PTPRD: variants seen among roughly 807,000 people sequenced by gnomAD.
PTPRD encodes the protein protein tyrosine phosphatase receptor type D, also known as receptor-type tyrosine-protein phosphatase delta.
A neutral mutation model predicts 214.5 loss-of-function variants in PTPRD; 34 were observed. The observed-to-expected ratio is 0.16, with a 90% CI of 0.12 to 0.21. The LOEUF is 0.21. PTPRD is among the 10% of genes least tolerant of loss of function. The pLI is 1.00. For missense variants in PTPRD, 2,545 were observed against 2,398.7 expected (o/e 1.06, Z -1.27); for synonymous variants, 1,128 against 845.7 (o/e 1.33, Z -5.79).
At chr9:8,768,060 A>G (rs1029108877) in intron 11 of PTPRD, among the ~76,000 whole-genome samples, 2 of 152,206 alleles carry the variant, frequency 1.3e-5, no homozygotes, top group Admixed American at 6.6e-5. Flanking sequence ...GTCTGGAAGA[A>G]CAAAGACAGT....
At chr9:10,445,927 G>C (rs566736191) in intron 2 of PTPRD, among the ~76,000 whole-genome samples, 2 of 152,062 alleles carry the variant, frequency 1.3e-5, no homozygotes, top group African/African-American at 4.8e-5. Flanking sequence ...TGGTTTGCTT[G>C]TTGGTTTCTT....
intron 10 of PTPRD, among the ~76,000 whole-genome samples, chr9:9,055,099 C>G (rs1437621289): frequency 6.6e-6 from 1 of 152,034 alleles, no homozygotes; most frequent in African/African-American, 2.4e-5. Context: ...TTGGCAATAT[C>G]CAGTAAAACT....
At chr9:10,489,783 G>A (rs1249147692) in intron 2 of PTPRD, among the ~76,000 whole-genome samples, 2 of 152,054 alleles carry the variant, frequency 1.3e-5, no homozygotes, top group South Asian at 2.1e-4. Context: ...TTATGATAGG[G>A]CAGCACTGAG....
At chr9:9,611,546 G>A (rs980928038) in intron 7 of PTPRD, among the ~76,000 whole-genome samples, 7 of 151,912 alleles carry the variant, frequency 4.6e-5, no homozygotes, top group Non-Finnish European at 8.8e-5. Flanking sequence ...ACATTTGGAT[G>A]TATCTAATCT....
chr9:10,274,135 A>C (rs1279023228), intron 3 of PTPRD, among the ~76,000 whole-genome samples: 1 of 152,154 alleles, frequency 6.6e-6, no homozygotes, highest in Non-Finnish European at 1.5e-5. Context: ...TCCAACTCTG[A>C]TATTTAATGC....
intron 9 of PTPRD, among the ~76,000 whole-genome samples, chr9:9,337,693 G>A (rs541947358): frequency 1.3e-5 from 2 of 152,254 alleles, no homozygotes; most frequent in African/African-American, 4.8e-5. Flanking sequence ...CACTCTCTGG[G>A]GGAGATTTCT....
intron 5 of PTPRD, among the ~76,000 whole-genome samples, chr9:9,775,312 G>T (rs545845785): frequency 2.6e-5 from 4 of 152,256 alleles, no homozygotes; most frequent in Admixed American, 2.0e-4. Context: ...AAGCTGAAGG[G>T]CTGGTTCCTT....
intron 5 of PTPRD, among the ~76,000 whole-genome samples, chr9:9,781,416 C>T (rs1190463793): frequency 1.3e-5 from 2 of 151,910 alleles, no homozygotes; most frequent in African/African-American, 2.4e-5. Context: ...AAGTTAAATG[C>T]TATGTAATGG....
chr9:8,539,767 A>C (rs936314541), intron 14 of PTPRD, among the ~76,000 whole-genome samples: 2 of 152,060 alleles, frequency 1.3e-5, no homozygotes, highest in Admixed American at 6.6e-5. Flanking sequence ...CAAAACTATC[A>C]TGGTCAGAAA....
chr9:8,904,188 C>T (rs34958914), intron 11 of PTPRD, among the ~76,000 whole-genome samples: 15,797 of 152,152 alleles, frequency 0.1, 1,143 homozygotes, highest in East Asian at 0.24. Flanking sequence ...CATCGTGGCA[C>T]TTTACCTTTA....
chr9:9,558,416 T>C (rs1203983045), intron 8 of PTPRD, among the ~76,000 whole-genome samples: 1 of 152,146 alleles, frequency 6.6e-6, no homozygotes, highest in Admixed American at 6.5e-5. Context: ...CTCCACCCCT[T>C]TGGCCGAGGG....
chr9:10,076,159 C>G (rs2098128600), intron 3 of PTPRD, among the ~76,000 whole-genome samples: 1 of 152,098 alleles, frequency 6.6e-6, no homozygotes, highest in Non-Finnish European at 1.5e-5. Context: ...CCTCTGGCTT[C>G]TTGAGTGCAG....
intron 5 of PTPRD, among the ~76,000 whole-genome samples, chr9:9,847,463 A>G (rs1002637569): frequency 1.3e-5 from 2 of 152,150 alleles, no homozygotes; most frequent in African/African-American, 4.8e-5. Context: ...TGATTATGAA[A>G]TATCTACCCA....
At chr9:9,164,146 T>C (rs2099896614) in intron 10 of PTPRD, among the ~76,000 whole-genome samples, 1 of 152,144 alleles carries the variant, frequency 6.6e-6, no homozygotes, top group Non-Finnish European at 1.5e-5. Context: ...TTATTATACT[T>C]CTGGAGCTCA....
intron 3 of PTPRD, among the ~76,000 whole-genome samples, chr9:10,253,978 C>T (rs546174592): frequency 6.6e-6 from 1 of 152,180 alleles, no homozygotes; most frequent in South Asian, 2.1e-4. Context: ...TTAAACAACC[C>T]TAATTCTATA....
At chr9:10,051,442 G>GT (rs541944653) in intron 3 of PTPRD, among the ~76,000 whole-genome samples, 498 of 151,384 alleles carry the variant, frequency 3.3e-3, no homozygotes, top group African/African-American at 4.6e-3. Flanking sequence ...TTTTTTTTCA[G>GT]TTTTTTTACA....
At chr9:8,503,324 A>C (rs2097457338) in intron 23 of PTPRD, among the ~76,000 whole-genome samples, 1 of 152,160 alleles carries the variant, frequency 6.6e-6, no homozygotes, top group South Asian at 2.1e-4. Context: ...GACAAAATTC[A>C]ATGTATTTCT....
At chr9:8,752,787 C>T (rs972692198) in intron 11 of PTPRD, among the ~76,000 whole-genome samples, 4 of 152,010 alleles carry the variant, frequency 2.6e-5, no homozygotes, top group African/African-American at 9.7e-5. Context: ...CAATCATGAT[C>T]ATCTAAGCTG....
At chr9:9,067,877 C>T (rs985448010) in intron 10 of PTPRD, among the ~76,000 whole-genome samples, 1 of 151,956 alleles carries the variant, frequency 6.6e-6, no homozygotes, top group Non-Finnish European at 1.5e-5. Flanking sequence ...GCAATTTTAT[C>T]ACATGTAGAT....
Sources: gnomAD v4.1 joint callset for allele counts (sites outside exome capture counted in the v4.1 genomes callset) on GRCh38, gnomAD v4.1.1 for gene constraint, MANE v1.5 for transcripts, NCBI Gene and HGNC (gene_info 2026-07-23, HGNC 2026-07-21) for gene names.